The following ZNF280D variants were observed in gnomAD, a reference collection of about 807,000 sequenced individuals.
ZNF280D encodes suppressor of hairy wing homolog 4.
A neutral mutation model predicts 94.7 loss-of-function variants in ZNF280D; 39 were observed. The ratio of observed to expected loss-of-function variants is 0.41; its 90% CI spans 0.32 to 0.54. ZNF280D has a LOEUF of 0.54. Among genes scored for constraint, ZNF280D ranks in the 20% least tolerant of loss-of-function variants. The pLI, the probability that ZNF280D is intolerant of heterozygous loss-of-function variation, is 0.22. For synonymous variants in ZNF280D, 398 were observed against 377.6 expected, an observed-to-expected ratio of 1.05 and a Z score of -0.63; for missense variants, 1,090 against 1,149.3, an observed-to-expected ratio of 0.95 and a Z score of 0.75.
intron 13 of ZNF280D, among the ~76,000 whole-genome samples, chr15:56,672,953 T>C (rs2054968429): frequency 6.6e-6 from 1 of 151,958 alleles, no homozygotes; most frequent in Non-Finnish European, 1.5e-5. Flanking sequence ...AAGACTATTT[T>C]ACAAGTGTGA....
At chr15:56,708,293 G>A (rs1407610495) in intron 1 of ZNF280D, among the ~76,000 whole-genome samples, 1 of 152,106 alleles carries the variant, frequency 6.6e-6, no homozygotes, top group Non-Finnish European at 1.5e-5. Context: ...TGAGACTCTA[G>A]CGAATCTTGT....
chr15:56,661,440 A>G lies in ZNF280D; in HGVS notation c.1995-2954T>C, dbSNP rs376459020. ...AGGGGGAAAACTGTAGGCAGAAGAC[A>G]TAATAGTCTAACTAGTCCTATGATT... is the stretch of plus-strand genomic sequence containing the variant. On this transcript the variant is annotated intron_variant, in intron 16 of 21. Coordinates refer to ENST00000267807, the MANE Select transcript of ZNF280D (RefSeq NM_017661.4). Among the ~76,000 whole-genome samples the G allele has an allele frequency of 3.0e-4, 46 of 152,342 alleles. No homozygotes were observed. In the South Asian group the frequency reaches 7.9e-3, roughly 26 times the overall value.
chr15:56,646,039 A>G (rs1360149595), intron 19 of ZNF280D, among the ~76,000 whole-genome samples: 1 of 152,200 alleles, frequency 6.6e-6, no homozygotes, highest in Non-Finnish European at 1.5e-5. Context: ...CTGATGTTAG[A>G]AATGTAATCT....
intron 13 of ZNF280D, among the ~76,000 whole-genome samples, chr15:56,671,675 T>C (rs921639778): frequency 1.3e-5 from 2 of 152,100 alleles, no homozygotes; most frequent in South Asian, 4.1e-4. Context: ...TTTCGTTCCA[T>C]ATGAATTTTA....
In ZNF280D at chr15:56,700,546, A is replaced by G. The variant is rs553998232; in HGVS notation, c.381+387T>C. The G allele has an allele frequency of 3.7e-5, 40 of 1,071,684 alleles. No homozygotes were observed. The African/African-American group carries it at 6.3e-4, about 17-fold the overall frequency. 66.4% of individuals were successfully genotyped at this position (1,071,684 alleles called of 1,614,324 possible). On this transcript the variant is annotated intron_variant, in intron 6 of 21. Transcript: ENST00000267807. ...TTTTTAACTAACTGAACTATGAAGG[A>G]ATGTTTTCAGAATAAAAAGCTATGA...
Position 56,658,496 on chromosome 15 carries a change from C to A in ZNF280D, c.1995-10G>T. ...ACGGTTACTATGAAAGCTGGAGAAA[C>A]AAAAGAGATAGTAAAAATTTTATTA... On this transcript the variant is annotated splice_polypyrimidine_tract_variant and intron_variant, in intron 16 of 21. Transcript: ENST00000267807. 6.5e-7 allele frequency: 1 copy of A among 1,539,088 alleles called. No homozygotes were observed. Among genetic ancestry groups the A allele is most frequent in the South Asian group, 1.3e-5 (1 of 76,524 alleles).
chr15:56,664,358 A>T (rs1209937875), intron 16 of ZNF280D, among the ~76,000 whole-genome samples: 1 of 152,168 alleles, frequency 6.6e-6, no homozygotes, highest in African/African-American at 2.4e-5. Flanking sequence ...CTTCCAAAAA[A>T]TTTTTTAAAT....
At chr15:56,692,481 T>C (rs1371174184) in intron 7 of ZNF280D, among the ~76,000 whole-genome samples, 1 of 152,080 alleles carries the variant, frequency 6.6e-6, no homozygotes, top group African/African-American at 2.4e-5. Context: ...AATTATTTTA[T>C]AGTACACTAA....
intron 1 of ZNF280D, among the ~76,000 whole-genome samples, chr15:56,713,124 G>T (rs796893509): frequency 3.9e-5 from 6 of 152,194 alleles, no homozygotes; most frequent in African/African-American, 1.4e-4. Flanking sequence ...ACATTATAAA[G>T]TTAATCTTTC....
chr15:56,713,820 T>C (rs1330694090), intron 1 of ZNF280D, among the ~76,000 whole-genome samples: 6 of 152,162 alleles, frequency 3.9e-5, no homozygotes, highest in African/African-American at 1.4e-4. Context: ...TTACTATCCA[T>C]TGCCTGTTGA....
intron 3 of ZNF280D, among the ~76,000 whole-genome samples, chr15:56,705,844 G>A (rs2057370572): frequency 1.3e-5 from 2 of 151,736 alleles, no homozygotes; most frequent in South Asian, 2.1e-4. Context: ...AGGGGCAGTA[G>A]GCACATGGCA....
At chr15:56,697,205 G>A (rs1596543119) in intron 6 of ZNF280D, among the ~76,000 whole-genome samples, 2 of 149,710 alleles carry the variant, frequency 1.3e-5, no homozygotes, top group East Asian at 2.0e-4. Context: ...TTTTTTTTGA[G>A]ATGGAGTCTC....
intron 21 of ZNF280D, chr15:56,634,226 C>T (rs2052235382): frequency 6.6e-6 from 1 of 152,102 alleles, no homozygotes; most frequent in Non-Finnish European, 1.5e-5. Context: ...TCAATACTCT[C>T]ATTAATTTCA....
intron 17 of ZNF280D, among the ~76,000 whole-genome samples, chr15:56,657,676 C>T (rs78534657): frequency 6.6e-6 from 1 of 152,090 alleles, no homozygotes; most frequent in African/African-American, 2.4e-5. Flanking sequence ...AATGAGATAC[C>T]ACTTTATACC....
chr15:56,709,447 G>A (rs2057621173), intron 1 of ZNF280D, among the ~76,000 whole-genome samples: 1 of 152,132 alleles, frequency 6.6e-6, no homozygotes, highest in Admixed American at 6.5e-5. Flanking sequence ...GGAAGACAGT[G>A]TGGCGATTCC....
At chr15:56,651,729 GTTATA>G (rs1434461202) in intron 19 of ZNF280D, among the ~76,000 whole-genome samples, 1 of 151,840 alleles carries the variant, frequency 6.6e-6, no homozygotes, top group Non-Finnish European at 1.5e-5. Context: ...GTAAATAGTT[GTTATA>G]TTGTATTGTT....
At chr15:56,669,087 CATA>C in intron 13 of ZNF280D, 130 bp from the exon 14 acceptor site, 1 of 773,308 alleles carries the variant, frequency 1.3e-6, no homozygotes, top group African/African-American at 1.8e-5. Context: ...CATCTCCTAT[CATA>C]ATAATATAAA....
At chr15:56,696,342 T>G (rs543522060) in intron 6 of ZNF280D, among the ~76,000 whole-genome samples, 1 of 152,342 alleles carries the variant, frequency 6.6e-6, no homozygotes, top group East Asian at 1.9e-4. Flanking sequence ...CTCTTCATGG[T>G]ACACGTATCA....
Position 56,630,939 on chromosome 15 carries a change from T to G in ZNF280D, c.*559A>C, listed in dbSNP as rs1251770939. The G allele has an allele frequency of 6.5e-6, 1 of 152,718 alleles. No homozygotes were observed. The highest frequency in any genetic ancestry group is 2.4e-5 in the African/African-American group (1 of 41,448). 9.5% of individuals were successfully genotyped at this position (152,718 alleles called of 1,614,324 possible). On this transcript the variant is annotated 3_prime_UTR_variant, in exon 22 of 22. Transcript: ENST00000267807. The stretch of plus-strand genomic sequence containing the variant: ...TGTTATATTAAATCCAAAATTAAGT[T>G]TATGTTCATCCAAATTCTCATTAGA...
Sources: allele counts gnomAD v4.1 joint callset (sites outside exome capture counted in the v4.1 genomes callset), GRCh38; gene constraint gnomAD v4.1.1; transcripts MANE v1.5; gene names NCBI Gene and HGNC (gene_info 2026-07-23, HGNC 2026-07-21).